Variants in CMSS1 observed in about 807,000 individuals in gnomAD.
CMSS1 encodes protein CMSS1.
A neutral mutation model predicts 43.5 loss-of-function variants in CMSS1; 33 were observed. The ratio of observed to expected loss-of-function variants is 0.76; its 90% CI spans 0.57 to 1.01. The LOEUF is 1.01. Among genes scored for constraint, CMSS1 ranks in the 50% least tolerant of loss-of-function variants. The pLI is 0.00. For synonymous variants in CMSS1, 115 were observed against 117.2 expected (o/e 0.98, Z 0.12); for missense variants, 313 against 326.4 (o/e 0.96, Z 0.32).
intron 1 of CMSS1, among the ~76,000 whole-genome samples, chr3:100,026,148 A>G (rs1013370065): frequency 3.9e-5 from 6 of 152,136 alleles, no homozygotes; most frequent in African/African-American, 1.4e-4. Flanking sequence ...GATGCTGTCA[A>G]ATTGCCATAG....
rs553362847 is a variant in CMSS1 at position 100,052,673 on chromosome 3, C to A, written c.65-94300C>A. 2.0e-5 allele frequency among the ~76,000 whole-genome samples: 3 copies of A among 152,254 alleles called. No individual in the cohort carries two copies. In the East Asian group the frequency reaches 5.8e-4, roughly 29 times the overall value. ...CCATGGGTAAGTTAATGCAATGTTT[C>A]TTTCTATAACCACATTTTAAGATAA... On this transcript the variant is annotated intron_variant, in intron 1 of 9. Coordinates refer to ENST00000421999, the MANE Select transcript of CMSS1 (RefSeq NM_032359.4).
At chr3:99,883,452 A>G (rs7611313) in intron 1 of CMSS1, among the ~76,000 whole-genome samples, 1,714 of 152,322 alleles carry the variant, frequency 0.011, 18 homozygotes, top group African/African-American at 0.025. Context: ...TGAACAGATT[A>G]TTTCATCATG....
At chr3:100,072,929 T>C (rs1345172795) in intron 1 of CMSS1, among the ~76,000 whole-genome samples, 1 of 152,190 alleles carries the variant, frequency 6.6e-6, no homozygotes, top group African/African-American at 2.4e-5. Context: ...GAGGCTGCTT[T>C]TGTCACAGGG....
rs1015734407 is a variant in CMSS1 at position 100,008,242 on chromosome 3, C to A, written c.65-138731C>A. 2.0e-5 allele frequency among the ~76,000 whole-genome samples: 3 copies of A among 152,202 alleles called. No homozygotes were observed. The East Asian group carries it at 5.8e-4, about 29-fold the overall frequency. On this transcript the variant is annotated intron_variant, in intron 1 of 9. Transcript: ENST00000421999. Reference sequence around the variant, plus strand: ...GTCATTCCTGATAAAGGTAACTACTCCACCCCTGCTTCCCAATTAGATTCC... The same window carrying A: ...GTCATTCCTGATAAAGGTAACTACTACACCCCTGCTTCCCAATTAGATTCC...
intron 3 of CMSS1, among the ~76,000 whole-genome samples, chr3:100,161,296 T>G (rs919876565): frequency 6.6e-6 from 1 of 152,122 alleles, no homozygotes; most frequent in African/African-American, 2.4e-5. Context: ...AATAGGAAAA[T>G]GGGAGATGCC....
At chr3:99,886,536 G>A (rs1705903213) in intron 1 of CMSS1, among the ~76,000 whole-genome samples, 1 of 152,114 alleles carries the variant, frequency 6.6e-6, no homozygotes, top group South Asian at 2.1e-4. Context: ...GACAAGTTTG[G>A]TGTACAGCAC....
At chr3:100,152,719 TC>T (rs1395403739) in intron 2 of CMSS1, among the ~76,000 whole-genome samples, 2 of 152,106 alleles carry the variant, frequency 1.3e-5, no homozygotes, top group Non-Finnish European at 2.9e-5. Flanking sequence ...TATTTGAAAA[TC>T]TCCTTAGCTA....
chr3:100,132,888 A>C (rs1248485246), intron 1 of CMSS1, among the ~76,000 whole-genome samples: 1 of 151,906 alleles, frequency 6.6e-6, no homozygotes, highest in Non-Finnish European at 1.5e-5. Context: ...AATTAGTAAA[A>C]TGCTATATTA....
At chr3:100,162,086 C>G (rs966521689) in intron 3 of CMSS1, among the ~76,000 whole-genome samples, 2 of 152,182 alleles carry the variant, frequency 1.3e-5, no homozygotes, top group African/African-American at 4.8e-5. Context: ...CCAAGAGTTA[C>G]AGGGAGCTTT....
rs966951211 is a variant in CMSS1 at position 100,033,493 on chromosome 3, T to G, written c.65-113480T>G. 1.1e-4 allele frequency among the ~76,000 whole-genome samples: 16 copies of G among 152,208 alleles called. 1 individual carries two copies. The highest frequency in any genetic ancestry group is 5.9e-5 in the Non-Finnish European group (4 of 68,038). ...CTAATGTTTGTAACATTGTAAAACTTAAGCAAACACTGTCTTCAAGACCAG... is the reference window on the plus strand; with the variant it reads ...CTAATGTTTGTAACATTGTAAAACTGAAGCAAACACTGTCTTCAAGACCAG... On this transcript the variant is annotated intron_variant, in intron 1 of 9. Coordinates refer to ENST00000421999, the MANE Select transcript of CMSS1 (RefSeq NM_032359.4).
intron 1 of CMSS1, among the ~76,000 whole-genome samples, chr3:99,950,623 ATGACTATCC>A (rs2107688199): frequency 6.6e-6 from 1 of 152,310 alleles, no homozygotes; most frequent in East Asian, 1.9e-4. Context: ...CCATGGCTGT[ATGACTATCC>A]CCACTCACCA....
intron 1 of CMSS1, chr3:99,924,460 T>C (rs959238340): frequency 2.0e-6 from 3 of 1,507,092 alleles, no homozygotes; most frequent in Non-Finnish European, 2.7e-6. Flanking sequence ...TATACTGTTG[T>C]CTTTCACTCT....
At chr3:99,874,953 CAG>C in intron 1 of CMSS1, among the ~76,000 whole-genome samples, 1 of 152,242 alleles carries the variant, frequency 6.6e-6, no homozygotes, top group East Asian at 1.9e-4. Context: ...TTTAAAATCT[CAG>C]AGTAAATATA....
chr3:100,164,020 T>A (rs930521312), intron 4 of CMSS1, among the ~76,000 whole-genome samples: 32 of 152,240 alleles, frequency 2.1e-4, no homozygotes, highest in African/African-American at 7.5e-4. Flanking sequence ...TTTGGAGACA[T>A]GAGTGCCCTG....
chr3:99,911,933 TTC>T lies in CMSS1; in HGVS notation c.64+93896_64+93897del, dbSNP rs780596527. On this transcript the variant is annotated intron_variant, in intron 1 of 9. Coordinates refer to ENST00000421999, the MANE Select transcript of CMSS1 (RefSeq NM_032359.4). ...TTTTCACATATAACCAAAATGTTCGTTCTCTCTTTTTTTTTCCAGCAAATAAT... is the reference window on the plus strand; with the variant it reads ...TTTTCACATATAACCAAAATGTTCGTTCTCTTTTTTTTTCCAGCAAATAAT... 3.9e-5 allele frequency among the ~76,000 whole-genome samples: 6 copies of T among 152,288 alleles called. No homozygotes were observed. In the South Asian group the frequency reaches 1.2e-3, roughly 32 times the overall value.
chr3:99,903,710 C>T lies in CMSS1; in HGVS notation c.64+85667C>T, dbSNP rs533874832. ...TCTTAACAGGACCCTACACAACATC[C>T]TTGTAGCTACCATGAGAAACTGGGA... On this transcript the variant is annotated intron_variant, in intron 1 of 9. Transcript: ENST00000421999. 3.3e-5 allele frequency among the ~76,000 whole-genome samples: 5 copies of T among 152,106 alleles called. No homozygotes were observed. The South Asian group carries it at 1.0e-3, about 32-fold the overall frequency.
intron 1 of CMSS1, among the ~76,000 whole-genome samples, chr3:100,043,838 A>G (rs2065241949): frequency 2.0e-5 from 3 of 152,174 alleles, no homozygotes; most frequent in African/African-American, 4.8e-5. Context: ...CCTTTTAGCA[A>G]TTTTGAAATA....
intron 1 of CMSS1, among the ~76,000 whole-genome samples, chr3:99,905,139 A>C (rs768521195): frequency 4.6e-5 from 7 of 152,186 alleles, no homozygotes; most frequent in Non-Finnish European, 1.0e-4. Context: ...ACCTTCCTAG[A>C]TAGCTTATCC....
intron 1 of CMSS1, among the ~76,000 whole-genome samples, chr3:100,060,336 C>T (rs2065540753): frequency 6.6e-6 from 1 of 152,174 alleles, no homozygotes; most frequent in Non-Finnish European, 1.5e-5. Context: ...CACTCCACCT[C>T]CTCTTCCATC....
Sources: gnomAD v4.1 joint callset for allele counts (sites outside exome capture counted in the v4.1 genomes callset) on GRCh38, gnomAD v4.1.1 for gene constraint, MANE v1.5 for transcripts, NCBI Gene and HGNC (gene_info 2026-07-23, HGNC 2026-07-21) for gene names.